The following TRAPPC9 variants were observed in gnomAD, a reference collection of about 807,000 sequenced individuals.
TRAPPC9 encodes the protein trafficking protein particle complex subunit 9.
Under a neutral mutation model 124.0 loss-of-function variants are expected in TRAPPC9, and 83 were observed. That is an observed-to-expected ratio of 0.67 (90% CI 0.56 to 0.80). The LOEUF (loss-of-function observed/expected upper bound fraction) is 0.80. Among genes scored for constraint, TRAPPC9 ranks in the 30% least tolerant of loss-of-function variants. The pLI is 0.00. For missense variants in TRAPPC9, 1,302 were observed against 1,508.3 expected (o/e 0.86, Z 2.27); for synonymous variants, 638 against 617.5 (o/e 1.03, Z -0.49).
At chr8:140,156,992 A>AAAGCCTCCCTTTCCATTCAG (rs2061648265) in intron 17 of TRAPPC9, among the ~76,000 whole-genome samples, 5 of 79,148 alleles carry the variant, frequency 6.3e-5, no homozygotes, top group African/African-American at 1.5e-4. Flanking sequence ...TTTCCATTCA[A>AAAGCCTCCCTTTCCATTCAG]AAGCCTCCCT....
At chr8:140,246,127 C>T (rs956649500) in intron 16 of TRAPPC9, among the ~76,000 whole-genome samples, 2 of 152,188 alleles carry the variant, frequency 1.3e-5, no homozygotes, top group African/African-American at 2.4e-5. Flanking sequence ...TCTCAAGTAG[C>T]ATTGAGAACT....
intron 21 of TRAPPC9, among the ~76,000 whole-genome samples, chr8:139,764,366 C>A (rs776672426): frequency 3.9e-5 from 6 of 152,134 alleles, no homozygotes; most frequent in African/African-American, 7.2e-5. Context: ...AACATCTTTG[C>A]TGAAGAACCT....
intron 21 of TRAPPC9, among the ~76,000 whole-genome samples, chr8:139,752,058 C>T (rs938874126): frequency 6.6e-6 from 1 of 151,650 alleles, no homozygotes; most frequent in Non-Finnish European, 1.5e-5. Flanking sequence ...CATCTCTCTA[C>T]CATCCATCCA....
intron 17 of TRAPPC9, among the ~76,000 whole-genome samples, chr8:140,025,425 G>A (rs2131933427): frequency 6.6e-6 from 1 of 152,214 alleles, no homozygotes. Context: ...ATATGCGGCT[G>A]GCAAAGCTTA....
At chr8:139,983,293 C>T (rs1451582242) in intron 19 of TRAPPC9, among the ~76,000 whole-genome samples, 1 of 152,178 alleles carries the variant, frequency 6.6e-6, no homozygotes, top group Admixed American at 6.5e-5. Flanking sequence ...CTGCAGTCTC[C>T]AGAACCATGA....
chr8:140,342,010 G>C (rs142493275), intron 9 of TRAPPC9, among the ~76,000 whole-genome samples: 1 of 152,240 alleles, frequency 6.6e-6, no homozygotes, highest in Non-Finnish European at 1.5e-5. Flanking sequence ...TATCATAGGG[G>C]TGGAGGACAG....
chr8:140,263,123 C>T (rs58779147), intron 15 of TRAPPC9, among the ~76,000 whole-genome samples: 37,509 of 152,116 alleles, frequency 0.25, 5,065 homozygotes, highest in African/African-American at 0.35. Context: ...GTGCTCAGTA[C>T]GGGCTGCTGA....
intron 8 of TRAPPC9, among the ~76,000 whole-genome samples, chr8:140,367,621 G>A (rs1588227374): frequency 6.6e-6 from 1 of 152,110 alleles, no homozygotes; most frequent in East Asian, 1.9e-4. Context: ...TCACGGCAGG[G>A]AAACTTCTCT....
intron 17 of TRAPPC9, among the ~76,000 whole-genome samples, chr8:140,083,161 C>G (rs927025642): frequency 1.3e-5 from 2 of 151,490 alleles, no homozygotes; most frequent in African/African-American, 2.4e-5. Flanking sequence ...CCACTGCACT[C>G]CAGCCTGGGT....
intron 15 of TRAPPC9, among the ~76,000 whole-genome samples, chr8:140,272,161 GGCAGTGGTT>G (rs2064938388): frequency 6.6e-6 from 1 of 151,416 alleles, no homozygotes; most frequent in African/African-American, 2.4e-5. Context: ...TAGCAGTGAT[GGCAGTGGTT>G]ATAGTGGTGG....
chr8:139,894,145 T>TA (rs1452806734), intron 20 of TRAPPC9, among the ~76,000 whole-genome samples: 1 of 152,196 alleles, frequency 6.6e-6, no homozygotes, highest in Non-Finnish European at 1.5e-5. Context: ...TGAGAATTCT[T>TA]AGAGGTTTCG....
intron 8 of TRAPPC9, among the ~76,000 whole-genome samples, chr8:140,365,907 T>C (rs540098953): frequency 1.3e-3 from 193 of 152,318 alleles, no homozygotes; most frequent in African/African-American, 4.3e-3. Context: ...TTTTTCCTGA[T>C]CCTCTCCCTC....
chr8:140,294,271 G>A (rs1041150226), intron 11 of TRAPPC9, among the ~76,000 whole-genome samples: 3 of 151,904 alleles, frequency 2.0e-5, no homozygotes, highest in Non-Finnish European at 2.9e-5. Flanking sequence ...GAGCTCACCC[G>A]ACCTCCTCAT....
chr8:140,422,767 A>AT, intron 5 of TRAPPC9, among the ~76,000 whole-genome samples: 1 of 151,828 alleles, frequency 6.6e-6, no homozygotes, highest in Non-Finnish European at 1.5e-5. Flanking sequence ...AAAAAAAAAA[A>AT]AAACTGTTAC....
intron 21 of TRAPPC9, among the ~76,000 whole-genome samples, chr8:139,876,619 A>G (rs1829337933): frequency 6.6e-6 from 1 of 152,210 alleles, no homozygotes; most frequent in Admixed American, 6.5e-5. Context: ...GGTCCCCAGC[A>G]CTGAGGACAG....
At position 140,076,280 on chromosome 8, in the gene TRAPPC9, G is replaced by A. The variant is rs113994411; in HGVS notation, c.2557-52201C>T. Reference sequence around the variant, plus strand: ...CCAAAATGGCACCCCGGAGAGCCTCGAAAAGAGCTGCCCTCCCCTGGCTGC... The same window carrying A: ...CCAAAATGGCACCCCGGAGAGCCTCAAAAAGAGCTGCCCTCCCCTGGCTGC... On this transcript the variant is annotated intron_variant, in intron 17 of 22. Transcript: ENST00000438773. 3.6e-3 allele frequency among the ~76,000 whole-genome samples: 548 copies of A among 152,266 alleles called. 4 individuals are homozygous for A. The highest frequency in any genetic ancestry group is 0.013 in the African/African-American group (526 of 41,566).
chr8:140,241,731 C>A lies in TRAPPC9; in HGVS notation c.2431+11046G>T, dbSNP rs2063860463. ...TTAAAATTAAAAAGATTTTAAAAGA[C>A]CCTTCATTCAGAGTTCAGAAAGCAA... On this transcript the variant is annotated intron_variant, in intron 16 of 22. Coordinates refer to ENST00000438773, the MANE Select transcript of TRAPPC9 (RefSeq NM_001160372.4). This position sits in a 1 kb window ranked among gnomAD's most constrained non-coding sequence, Gnocchi z 5.0. Among the ~76,000 whole-genome samples the A allele has an allele frequency of 6.6e-6, 1 of 152,100 alleles. No homozygotes were observed. Among genetic ancestry groups the A allele is most frequent in the Admixed American group, 6.5e-5 (1 of 15,268 alleles).
chr8:140,071,474 T>C (rs1226098360), intron 17 of TRAPPC9, among the ~76,000 whole-genome samples: 3 of 152,134 alleles, frequency 2.0e-5, no homozygotes, highest in South Asian at 2.1e-4. Context: ...GGCTCAAGCG[T>C]GCAGTCTCCC....
intron 17 of TRAPPC9, among the ~76,000 whole-genome samples, chr8:140,212,816 C>T (rs1347305041): frequency 6.6e-6 from 1 of 151,866 alleles, no homozygotes; most frequent in Non-Finnish European, 1.5e-5. Flanking sequence ...CATGGTGGCT[C>T]ACACCTGTAA....
Sources: allele counts gnomAD v4.1 joint callset (sites outside exome capture counted in the v4.1 genomes callset), GRCh38; gene constraint gnomAD v4.1.1; non-coding constraint Gnocchi (gnomAD v3.1); transcripts MANE v1.5; gene names NCBI Gene and HGNC (gene_info 2026-07-23, HGNC 2026-07-21).